The following WDFY3 variants were observed in gnomAD, a reference collection of about 807,000 sequenced individuals.
WDFY3 encodes the protein WD repeat and FYVE domain-containing protein 3.
A neutral mutation model predicts 409.6 loss-of-function variants in WDFY3; 66 were observed. The observed-to-expected ratio is 0.16, with a 90% CI of 0.13 to 0.20. The LOEUF (loss-of-function observed/expected upper bound fraction) is 0.20, where lower values mean the gene tolerates loss of function less well. Among genes scored for constraint, WDFY3 ranks in the 10% least tolerant of loss-of-function variants. The probability of loss-of-function intolerance (pLI) is 1.00; values close to 1 mark genes in which losing one functional copy is unlikely to be tolerated. For missense variants in WDFY3, 3,031 were observed against 4,298.1 expected (o/e 0.71, Z 8.24); for synonymous variants, 1,521 against 1,537.1 (o/e 0.99, Z 0.25).
chr4:84,796,014 C>T (rs1749371636), intron 19 of WDFY3, among the ~76,000 whole-genome samples: 1 of 151,528 alleles, frequency 6.6e-6, no homozygotes, highest in African/African-American at 2.4e-5. Context: ...GATGATAAAA[C>T]CCAAAGAGTT....
At chr4:84,719,118 G>A (rs1578240775) in intron 47 of WDFY3, among the ~76,000 whole-genome samples, 1 of 152,258 alleles carries the variant, frequency 6.6e-6, no homozygotes, top group East Asian at 1.9e-4. Context: ...AAATAAGTGA[G>A]ATAATGTACA....
chr4:84,841,018 T>C (rs1456857940), intron 6 of WDFY3, 136 bp downstream of exon 6: 6 of 752,496 alleles, frequency 8.0e-6, no homozygotes, highest in Non-Finnish European at 1.2e-5. Flanking sequence ...GAAATAATGT[T>C]TTAAAAAAGT....
At chr4:84,937,034 T>TC (rs1303784851) in intron 1 of WDFY3, among the ~76,000 whole-genome samples, 1 of 152,184 alleles carries the variant, frequency 6.6e-6, no homozygotes, top group African/African-American at 2.4e-5. Context: ...TCTCGACTCC[T>TC]TATATGCCTC....
intron 1 of WDFY3, among the ~76,000 whole-genome samples, chr4:84,943,569 A>C (rs921830816): frequency 2.0e-5 from 3 of 152,210 alleles, no homozygotes; most frequent in African/African-American, 7.2e-5. Flanking sequence ...TCGACGGTTT[A>C]TGTTATCAGT....
At chr4:84,723,016 C>T (rs991557082) in intron 46 of WDFY3, among the ~76,000 whole-genome samples, 1 of 152,162 alleles carries the variant, frequency 6.6e-6, no homozygotes, top group East Asian at 1.9e-4. Flanking sequence ...TGTATATTTG[C>T]GCTTTTAGCT....
chr4:84,790,994 T>C (rs1560769343), intron 21 of WDFY3, among the ~76,000 whole-genome samples: 1 of 151,872 alleles, frequency 6.6e-6, no homozygotes, highest in Non-Finnish European at 1.5e-5. Context: ...ACTGGAACCC[T>C]TGCGCACTGT....
chr4:84,838,896 C>G (rs542364072), intron 6 of WDFY3, among the ~76,000 whole-genome samples: 1 of 152,008 alleles, frequency 6.6e-6, no homozygotes, highest in Non-Finnish European at 1.5e-5. Context: ...ATGGTACTAT[C>G]TTTTTCTGCT....
intron 30 of WDFY3, 31 bp from the exon 31 acceptor site, chr4:84,766,403 C>CT: frequency 6.5e-7 from 1 of 1,549,896 alleles, no homozygotes; most frequent in Admixed American, 2.3e-5. Context: ...TTAAATCTCC[C>CT]TAGTAGATAA....
intron 53 of WDFY3, 37 bp downstream of exon 53, chr4:84,708,872 A>T (rs773469883): frequency 2.5e-6 from 4 of 1,597,662 alleles, no homozygotes; most frequent in Non-Finnish European, 3.4e-6. Context: ...TATTTTTGAA[A>T]ATGTGTTCTA....
intron 2 of WDFY3, among the ~76,000 whole-genome samples, chr4:84,899,356 G>A (rs1766047071): frequency 6.6e-6 from 1 of 152,192 alleles, no homozygotes; most frequent in Admixed American, 6.5e-5. Context: ...TGAGCTTGCT[G>A]CGTGAACTAT....
intron 33 of WDFY3, 36 bp downstream of exon 33, chr4:84,756,890 C>T (rs534631982): frequency 3.8e-6 from 6 of 1,584,532 alleles, no homozygotes; most frequent in Admixed American, 1.7e-5. Flanking sequence ...CTTTGGAATA[C>T]GTAATTTCAC....
At chr4:84,713,785 T>A (rs1733346796) in intron 50 of WDFY3, among the ~76,000 whole-genome samples, 1 of 152,250 alleles carries the variant, frequency 6.6e-6, no homozygotes, top group South Asian at 2.1e-4. Flanking sequence ...AAAAGAATTA[T>A]CTTTTAAGTA....
At chr4:84,899,375 A>C (rs1766051159) in intron 2 of WDFY3, among the ~76,000 whole-genome samples, 1 of 152,236 alleles carries the variant, frequency 6.6e-6, no homozygotes, top group Non-Finnish European at 1.5e-5. Context: ...ATAACGTCTG[A>C]GTTCAAAAAC....
intron 64 of WDFY3, among the ~76,000 whole-genome samples, chr4:84,679,874 G>GTGTA (rs1480973488): frequency 6.8e-6 from 1 of 146,942 alleles, no homozygotes; most frequent in African/African-American, 2.5e-5. Flanking sequence ...ACGTACGTGT[G>GTGTA]TATATATATA....
chr4:84,833,678 AAAG>A (rs977917135), intron 7 of WDFY3, among the ~76,000 whole-genome samples: 3 of 143,046 alleles, frequency 2.1e-5, no homozygotes, highest in Non-Finnish European at 3.1e-5. Flanking sequence ...AAAGAAAAGA[AAAG>A]AAAAGAAAAG....
At chr4:84,745,504 T>C (rs774994085) in intron 36 of WDFY3, among the ~76,000 whole-genome samples, 1 of 152,192 alleles carries the variant, frequency 6.6e-6, no homozygotes, top group Non-Finnish European at 1.5e-5. Context: ...AGAAAGTAGC[T>C]AGAATAAAAG....
intron 13 of WDFY3, 88 bp from the exon 14 acceptor site, chr4:84,810,432 A>G: frequency 9.1e-7 from 1 of 1,102,902 alleles, no homozygotes; most frequent in Non-Finnish European, 1.2e-6. Flanking sequence ...GAGGTTGTAC[A>G]TTCTGTGAAT....
Position 84,774,991 on chromosome 4 carries a change from AAAG to A in WDFY3, c.4593-13_4593-11del, listed in dbSNP as rs767031580. On this transcript the variant is annotated splice_polypyrimidine_tract_variant and intron_variant, in intron 28 of 67. Transcript: ENST00000295888. The stretch of plus-strand genomic sequence containing the variant: ...ATTCTTTGAGGCTTCACTATAAGAG[AAAG>A]AAGATTTTATACACTGTACTATCAC... The A allele has an allele frequency of 1.2e-6, 2 of 1,613,400 alleles. No homozygotes were observed. Among genetic ancestry groups the A allele is most frequent in the Non-Finnish European group, 8.5e-7 (1 of 1,179,754 alleles).
intron 27 of WDFY3, among the ~76,000 whole-genome samples, chr4:84,776,152 T>C (rs1236782130): frequency 1.3e-5 from 2 of 152,030 alleles, no homozygotes; most frequent in East Asian, 1.9e-4. Context: ...AGTAAATGTA[T>C]ACAATAGCAT....
Sources: allele counts gnomAD v4.1 joint callset (sites outside exome capture counted in the v4.1 genomes callset), GRCh38; gene constraint gnomAD v4.1.1; transcripts MANE v1.5; gene names NCBI Gene and HGNC (gene_info 2026-07-23, HGNC 2026-07-21).